The following EPHA5 variants were observed in gnomAD, a reference collection of about 807,000 sequenced individuals.
EPHA5 encodes EPH receptor A5.
Under a neutral mutation model 105.0 loss-of-function variants are expected in EPHA5, and 60 were observed. The observed-to-expected ratio is 0.57, with a 90% confidence interval of 0.46 to 0.71. The LOEUF (loss-of-function observed/expected upper bound fraction) is 0.71, where lower values mean the gene tolerates loss of function less well. EPHA5 is among the 30% of genes least tolerant of loss of function. The pLI is 0.00. For synonymous variants in EPHA5, 513 were observed against 449.1 expected, an observed-to-expected ratio of 1.14 and a Z score of -1.80; for missense variants, 1,218 against 1,274.7, an observed-to-expected ratio of 0.96 and a Z score of 0.68.
intron 3 of EPHA5, among the ~76,000 whole-genome samples, chr4:65,593,129 G>C (rs1036782958): frequency 2.0e-5 from 3 of 152,118 alleles, no homozygotes; most frequent in African/African-American, 7.2e-5. Flanking sequence ...TAATGGGATA[G>C]AGAAATGATA....
intron 8 of EPHA5, among the ~76,000 whole-genome samples, chr4:65,380,740 C>T (rs1350559926): frequency 6.6e-6 from 1 of 151,746 alleles, no homozygotes; most frequent in Non-Finnish European, 1.5e-5. Context: ...TAACAACAAA[C>T]GATGATATTC....
intron 6 of EPHA5, among the ~76,000 whole-genome samples, chr4:65,419,975 T>G (rs938150317): frequency 1.3e-5 from 2 of 152,178 alleles, no homozygotes; most frequent in African/African-American, 2.4e-5. Flanking sequence ...ACATAAATTT[T>G]ATACTACAGT....
chr4:65,568,213 A>G (rs910868513), intron 3 of EPHA5, among the ~76,000 whole-genome samples: 1 of 151,464 alleles, frequency 6.6e-6, no homozygotes, highest in African/African-American at 2.4e-5. Flanking sequence ...TAGATAGCTC[A>G]TTGAGGAAGT....
At chr4:65,362,836 C>T (rs1054927526) in intron 11 of EPHA5, among the ~76,000 whole-genome samples, 6 of 151,424 alleles carry the variant, frequency 4.0e-5, no homozygotes, top group Admixed American at 1.3e-4. Flanking sequence ...ATTTAGGATA[C>T]GATCTTTGTC....
chr4:65,496,752 G>A (rs528716808), intron 3 of EPHA5, among the ~76,000 whole-genome samples: 1 of 152,192 alleles, frequency 6.6e-6, no homozygotes, highest in Non-Finnish European at 1.5e-5. Context: ...CCCAGTAATG[G>A]GATGGCTTAT....
At chr4:65,647,262 G>T (rs1560817998) in intron 1 of EPHA5, among the ~76,000 whole-genome samples, 2 of 149,580 alleles carry the variant, frequency 1.3e-5, no homozygotes, top group Non-Finnish European at 1.5e-5. Context: ...CTGGGAGGCG[G>T]AGCTTGCAGT....
rs536007575 is a variant in EPHA5 at position 65,623,137 on chromosome 4, A to T, written c.246+20226T>A. On this transcript the variant is annotated intron_variant, in intron 2 of 16. Transcript: ENST00000613740. ...TGAAAATCATATCACCACCAAAAAA[A>T]TCCCACTTTTATTAAGAAAAGATGG... is the stretch of plus-strand genomic sequence containing the variant. Among the ~76,000 whole-genome samples, 3 of 152,266 alleles carry T rather than the reference A, an allele frequency of 2.0e-5. No individual in the cohort carries two copies. In the South Asian group the frequency reaches 6.2e-4, roughly 32 times the overall value.
chr4:65,375,772 G>T (rs904729119), intron 8 of EPHA5, among the ~76,000 whole-genome samples: 1 of 128,210 alleles, frequency 7.8e-6, no homozygotes, highest in Admixed American at 8.0e-5. Flanking sequence ...TCATAGCACA[G>T]AAACACACAC....
chr4:65,596,299 G>A (rs2149426491), intron 3 of EPHA5, among the ~76,000 whole-genome samples: 1 of 152,146 alleles, frequency 6.6e-6, no homozygotes, highest in Middle Eastern at 3.4e-3. Flanking sequence ...ACACATTTTT[G>A]ACTGTGAAAA....
chr4:65,461,255 G>A (rs1402466150), intron 5 of EPHA5, among the ~76,000 whole-genome samples: 2 of 151,866 alleles, frequency 1.3e-5, no homozygotes, highest in Admixed American at 6.6e-5. Context: ...AACAGATCCA[G>A]TCACTATCTG....
At chr4:65,410,302 C>T (rs551977298) in intron 7 of EPHA5, among the ~76,000 whole-genome samples, 7 of 152,086 alleles carry the variant, frequency 4.6e-5, no homozygotes, top group Admixed American at 6.5e-5. Flanking sequence ...GTGAAAAAAG[C>T]CAATTCCAAA....
chr4:65,373,418 G>T (rs980627733), intron 8 of EPHA5, among the ~76,000 whole-genome samples: 15 of 151,800 alleles, frequency 9.9e-5, no homozygotes, highest in African/African-American at 3.6e-4. Flanking sequence ...ACTCCCCCCG[G>T]CAGATATCTT....
At chr4:65,444,683 A>AT (rs1342819083) in intron 5 of EPHA5, among the ~76,000 whole-genome samples, 6 of 151,860 alleles carry the variant, frequency 4.0e-5, no homozygotes, top group African/African-American at 9.7e-5. Context: ...CATTTTATTT[A>AT]TTTTTTTGCT....
chr4:65,627,466 T>A (rs1272692134), intron 2 of EPHA5, among the ~76,000 whole-genome samples: 1 of 152,184 alleles, frequency 6.6e-6, no homozygotes, highest in East Asian at 1.9e-4. Context: ...CTGTTTCAGA[T>A]AATTTTTAGT....
chr4:65,498,978 G>C (rs533186895), intron 3 of EPHA5, among the ~76,000 whole-genome samples: 39 of 115,768 alleles, frequency 3.4e-4, no homozygotes, highest in Admixed American at 4.0e-4. Context: ...ACATCAACAG[G>C]ATTTTCTTGT....
intron 3 of EPHA5, among the ~76,000 whole-genome samples, chr4:65,559,699 A>G (rs962208808): frequency 6.6e-6 from 1 of 152,184 alleles, no homozygotes; most frequent in African/African-American, 2.4e-5. Context: ...TGAAGATACC[A>G]TGGGTATTAG....
At chr4:65,338,008 G>A (rs1721345470) in intron 14 of EPHA5, among the ~76,000 whole-genome samples, 1 of 151,658 alleles carries the variant, frequency 6.6e-6, no homozygotes, top group African/African-American at 2.4e-5. Context: ...AGGAGAAAAT[G>A]TTTTCAGTAA....
At chr4:65,362,625 A>G (rs996125564) in intron 11 of EPHA5, among the ~76,000 whole-genome samples, 7 of 151,784 alleles carry the variant, frequency 4.6e-5, no homozygotes, top group Admixed American at 4.0e-4. Flanking sequence ...CCACAGTAAC[A>G]TTTTTTAGAA....
At chr4:65,426,973 C>T (rs1362439273) in intron 5 of EPHA5, among the ~76,000 whole-genome samples, 1 of 151,716 alleles carries the variant, frequency 6.6e-6, no homozygotes, top group Non-Finnish European at 1.5e-5. Context: ...TAAAGAATTT[C>T]AAGGAAATCT....
Sources: allele counts gnomAD v4.1 joint callset (sites outside exome capture counted in the v4.1 genomes callset), GRCh38; gene constraint gnomAD v4.1.1; transcripts MANE v1.5; gene names NCBI Gene and HGNC (gene_info 2026-07-23, HGNC 2026-07-21).